The following CADM2 variants were observed in gnomAD, a reference collection of about 807,000 sequenced individuals.
CADM2 encodes the protein immunoglobulin superfamily member 4D.
In CADM2, 12 loss-of-function variants were observed where a neutral mutation model predicts 49.8. That is an observed-to-expected ratio of 0.24 (90% CI 0.15 to 0.39). The LOEUF is 0.39. CADM2 is among the 10% of genes least tolerant of loss of function. The probability of loss-of-function intolerance (pLI) is 1.00; values close to 1 mark genes in which losing one functional copy is unlikely to be tolerated. For synonymous variants in CADM2, 214 were observed against 175.4 expected, an observed-to-expected ratio of 1.22 and a Z score of -1.74; for missense variants, 378 against 492.3, an observed-to-expected ratio of 0.77 and a Z score of 2.20.
chr3:85,470,490 A>G (rs969157021), intron 1 of CADM2, among the ~76,000 whole-genome samples: 4 of 152,218 alleles, frequency 2.6e-5, no homozygotes, highest in African/African-American at 7.2e-5. Context: ...TTAGAGTGCA[A>G]TTTAGGGAAG....
intron 5 of CADM2, among the ~76,000 whole-genome samples, chr3:85,891,055 C>T (rs1345106700): frequency 1.3e-5 from 2 of 151,990 alleles, no homozygotes; most frequent in Non-Finnish European, 2.9e-5. Flanking sequence ...TAAAATGAAA[C>T]AATCATAATT....
intron 1 of CADM2, among the ~76,000 whole-genome samples, chr3:85,403,478 AC>A (rs1231383376): frequency 6.6e-6 from 1 of 152,150 alleles, no homozygotes; most frequent in African/African-American, 2.4e-5. Flanking sequence ...AAACAAACAA[AC>A]AAAAAAGTAA....
intron 8 of CADM2, among the ~76,000 whole-genome samples, chr3:86,019,122 T>G (rs1217173079): frequency 3.7e-5 from 4 of 108,350 alleles, no homozygotes; most frequent in Admixed American, 1.0e-4. Flanking sequence ...CAGCACCATT[T>G]ATTAAATAGG....
At chr3:85,344,137 G>GA (rs1466498903) in intron 1 of CADM2, among the ~76,000 whole-genome samples, 2 of 152,010 alleles carry the variant, frequency 1.3e-5, no homozygotes, top group East Asian at 3.9e-4. Context: ...GAACTTTGGG[G>GA]GGCCGAGGCG....
intron 1 of CADM2, among the ~76,000 whole-genome samples, chr3:85,455,196 A>C: frequency 6.6e-6 from 1 of 152,250 alleles, no homozygotes. Context: ...AAAAGCTTAA[A>C]AATCAAAGCC....
At chr3:85,094,147 A>G (rs2037705070) in intron 1 of CADM2, among the ~76,000 whole-genome samples, 1 of 152,180 alleles carries the variant, frequency 6.6e-6, no homozygotes, top group Admixed American at 6.6e-5. Context: ...TAGAACTGTG[A>G]AAAGACTAGA....
At chr3:85,663,180 T>C (rs1179890130) in intron 1 of CADM2, among the ~76,000 whole-genome samples, 1 of 152,028 alleles carries the variant, frequency 6.6e-6, no homozygotes, top group Non-Finnish European at 1.5e-5. Flanking sequence ...TCTTTAACTC[T>C]ATAATGAGGA....
At chr3:85,179,930 C>T (rs1158368381) in intron 1 of CADM2, among the ~76,000 whole-genome samples, 1 of 151,950 alleles carries the variant, frequency 6.6e-6, no homozygotes, top group Admixed American at 6.6e-5. Flanking sequence ...TATTTATAGT[C>T]CCATAAATAT....
At chr3:85,481,599 C>T (rs1021223830) in intron 1 of CADM2, among the ~76,000 whole-genome samples, 7 of 151,340 alleles carry the variant, frequency 4.6e-5, no homozygotes, top group Non-Finnish European at 8.9e-5. Context: ...CCATAAACAC[C>T]GGGTGAGGGG....
intron 1 of CADM2, among the ~76,000 whole-genome samples, chr3:85,384,715 A>G (rs2034118990): frequency 6.6e-6 from 1 of 151,860 alleles, no homozygotes; most frequent in Admixed American, 6.6e-5. Context: ...GTGTGTGTAT[A>G]TATATATAAC....
chr3:85,769,419 ATATATACATATATAGTATATATACACG>A (rs2069900555), intron 2 of CADM2, among the ~76,000 whole-genome samples: 4 of 107,042 alleles, frequency 3.7e-5, no homozygotes, highest in South Asian at 3.0e-4. Context: ...ACGTATATAC[ATATATACATATATAGTATATATACACG>A]TATATACATA....
chr3:85,460,413 T>TAAAA (rs2038190560), intron 1 of CADM2, among the ~76,000 whole-genome samples: 1 of 152,180 alleles, frequency 6.6e-6, no homozygotes, highest in African/African-American at 2.4e-5. Flanking sequence ...ACACACTTAT[T>TAAAA]GATCTATAAT....
intron 1 of CADM2, among the ~76,000 whole-genome samples, chr3:85,527,099 A>G (rs12494843): frequency 0.08 from 12,236 of 152,144 alleles, 956 homozygotes; most frequent in African/African-American, 0.18. Flanking sequence ...CTACAGTTCT[A>G]TAGAGGCCAG....
At chr3:85,743,791 T>C (rs1287196701) in intron 2 of CADM2, among the ~76,000 whole-genome samples, 1 of 152,178 alleles carries the variant, frequency 6.6e-6, no homozygotes, top group Non-Finnish European at 1.5e-5. Flanking sequence ...GATTCTAAAG[T>C]ATTTATTAAA....
intron 8 of CADM2, among the ~76,000 whole-genome samples, chr3:85,995,064 G>A (rs551447987): frequency 2.3e-5 from 3 of 130,858 alleles, no homozygotes; most frequent in East Asian, 2.4e-4. Context: ...ACAAAGTGAA[G>A]CACAATAAAA....
chr3:85,187,133 A>G (rs899119082), intron 1 of CADM2, among the ~76,000 whole-genome samples: 6 of 152,180 alleles, frequency 3.9e-5, no homozygotes, highest in African/African-American at 1.4e-4. Context: ...GAGGATTTAC[A>G]TTGTTCAATA....
intron 1 of CADM2, among the ~76,000 whole-genome samples, chr3:85,550,572 T>C (rs2061777458): frequency 6.6e-6 from 1 of 152,198 alleles, no homozygotes; most frequent in Non-Finnish European, 1.5e-5. Context: ...TAACACAAAC[T>C]CTTTTCTAGT....
chr3:85,846,482 C>A (rs1163290586), intron 3 of CADM2, among the ~76,000 whole-genome samples: 1 of 152,082 alleles, frequency 6.6e-6, no homozygotes, highest in Non-Finnish European at 1.5e-5. Context: ...GTTTGCATGT[C>A]AGGAGTCAGG....
chr3:85,923,544 A>AAT (rs908050170), intron 6 of CADM2, among the ~76,000 whole-genome samples: 2 of 151,568 alleles, frequency 1.3e-5, no homozygotes, highest in African/African-American at 2.4e-5. Context: ...AAGCAAAAAA[A>AAT]AAAAACAACA....
Sources: allele counts gnomAD v4.1 joint callset (sites outside exome capture counted in the v4.1 genomes callset), GRCh38; gene constraint gnomAD v4.1.1; transcripts MANE v1.5; gene names NCBI Gene and HGNC (gene_info 2026-07-23, HGNC 2026-07-21).